The following PTPRM variants were observed in gnomAD, a reference collection of about 807,000 sequenced individuals.
The protein encoded by PTPRM is receptor-type tyrosine-protein phosphatase mu.
PTPRM carries 47 observed loss-of-function variants against 186.7 expected under a neutral mutation model. The ratio of observed to expected loss-of-function variants is 0.25; its 90% CI spans 0.20 to 0.32. The LOEUF (loss-of-function observed/expected upper bound fraction) is 0.32. Ranked by LOEUF, PTPRM falls within the 10% of genes least tolerant of loss-of-function variation. The pLI, the probability that PTPRM is intolerant of heterozygous loss-of-function variation, is 1.00. For synonymous variants in PTPRM, 668 were observed against 674.9 expected (o/e 0.99, Z 0.16); for missense variants, 1,494 against 1,865.0 (o/e 0.80, Z 3.66).
chr18:7,940,037 C>A (rs1364023275), intron 5 of PTPRM, among the ~76,000 whole-genome samples: 2 of 152,078 alleles, frequency 1.3e-5, no homozygotes, highest in Admixed American at 6.6e-5. Context: ...GGGGAAAGGA[C>A]GGTAGGGGCA....
intron 19 of PTPRM, among the ~76,000 whole-genome samples, chr18:8,271,349 A>G (rs2094769085): frequency 6.6e-6 from 1 of 151,880 alleles, no homozygotes; most frequent in Admixed American, 6.6e-5. Flanking sequence ...TTATATACCA[A>G]AAAGCCAACC....
At chr18:8,244,436 C>A (rs915955342) in intron 15 of PTPRM, among the ~76,000 whole-genome samples, 4 of 152,142 alleles carry the variant, frequency 2.6e-5, no homozygotes, top group East Asian at 1.9e-4. Flanking sequence ...AGTGCAGTTT[C>A]TGTAAAGATT....
At chr18:7,841,893 A>C (rs949268911) in intron 2 of PTPRM, among the ~76,000 whole-genome samples, 8 of 151,996 alleles carry the variant, frequency 5.3e-5, no homozygotes, top group African/African-American at 1.9e-4. Flanking sequence ...TATATTTTGA[A>C]ATTTTTATTC....
intron 1 of PTPRM, among the ~76,000 whole-genome samples, chr18:7,604,270 T>G (rs2037475903): frequency 6.6e-6 from 1 of 152,148 alleles, no homozygotes. Flanking sequence ...TCTGGAGGGT[T>G]AAGAGTGAGA....
At chr18:7,625,365 A>G (rs2038035751) in intron 1 of PTPRM, among the ~76,000 whole-genome samples, 2 of 152,236 alleles carry the variant, frequency 1.3e-5, no homozygotes. Flanking sequence ...TTAAAAGTCA[A>G]GTTGCCCACA....
intron 14 of PTPRM, among the ~76,000 whole-genome samples, chr18:8,203,195 C>A (rs934775482): frequency 5.3e-5 from 8 of 152,158 alleles, no homozygotes; most frequent in African/African-American, 1.9e-4. Flanking sequence ...AGGGTAGCAC[C>A]ATTCTGGGCT....
In PTPRM at chr18:7,768,509, A is replaced by G. The variant is rs139802409; in HGVS notation, c.74-5640A>G. ...TCTTGTCTTGAAAAACACAAAGAATAAAAAGCATGTGGGTCTGCACTTGAA... is the reference window on the plus strand; with the variant it reads ...TCTTGTCTTGAAAAACACAAAGAATGAAAAGCATGTGGGTCTGCACTTGAA... On this transcript the variant is annotated intron_variant, in intron 1 of 32. Coordinates refer to ENST00000580170, the MANE Select transcript of PTPRM (RefSeq NM_001105244.2). Among the ~76,000 whole-genome samples, 72 of 152,268 alleles carry G rather than the reference A, an allele frequency of 4.7e-4. 1 individual carries two copies. The highest frequency in any genetic ancestry group is 1.7e-3 in the African/African-American group (72 of 41,552).
chr18:7,890,121 C>T (rs1271078103), intron 3 of PTPRM, among the ~76,000 whole-genome samples: 1 of 152,170 alleles, frequency 6.6e-6, no homozygotes, highest in Non-Finnish European at 1.5e-5. Context: ...TTAAAAATAA[C>T]AGTATTGAAA....
intron 13 of PTPRM, among the ~76,000 whole-genome samples, chr18:8,136,554 T>C (rs2092644044): frequency 6.6e-6 from 1 of 152,188 alleles, no homozygotes; most frequent in African/African-American, 2.4e-5. Flanking sequence ...ATGTTTCTGA[T>C]TATTACTTGT....
At chr18:8,153,774 G>A (rs1034325958) in intron 14 of PTPRM, among the ~76,000 whole-genome samples, 15 of 152,152 alleles carry the variant, frequency 9.9e-5, no homozygotes, top group Admixed American at 6.5e-4. Context: ...AATTGTTGGG[G>A]TGTTATTGAT....
intron 2 of PTPRM, among the ~76,000 whole-genome samples, chr18:7,798,119 A>C (rs1048613380): frequency 3.9e-5 from 6 of 152,180 alleles, no homozygotes; most frequent in Non-Finnish European, 5.9e-5. Flanking sequence ...GTGATATGCT[A>C]TCTGTGCAAG....
intron 19 of PTPRM, among the ~76,000 whole-genome samples, chr18:8,263,258 A>G (rs1464890006): frequency 6.6e-6 from 1 of 151,956 alleles, no homozygotes; most frequent in Non-Finnish European, 1.5e-5. Context: ...ACAGGCAAGC[A>G]CCACCACACC....
At chr18:7,648,666 C>G (rs1017914820) in intron 1 of PTPRM, among the ~76,000 whole-genome samples, 3 of 152,200 alleles carry the variant, frequency 2.0e-5, no homozygotes, top group Non-Finnish European at 2.9e-5. Flanking sequence ...GGCCCTAACT[C>G]TCTTCAATTC....
intron 1 of PTPRM, among the ~76,000 whole-genome samples, chr18:7,705,293 A>ATCTG (rs1568040941): frequency 1.9e-4 from 27 of 140,758 alleles, no homozygotes; most frequent in African/African-American, 6.5e-4. Context: ...CTATCTATCT[A>ATCTG]TCTATCTATC....
chr18:8,269,528 G>A (rs914835692), intron 19 of PTPRM, among the ~76,000 whole-genome samples: 2 of 148,080 alleles, frequency 1.4e-5, no homozygotes, highest in Admixed American at 6.7e-5. Flanking sequence ...TTAACAAATA[G>A]GAAAAAAAAT....
At chr18:7,876,814 G>A (rs560563125) in intron 2 of PTPRM, among the ~76,000 whole-genome samples, 62 of 152,240 alleles carry the variant, frequency 4.1e-4, no homozygotes, top group African/African-American at 1.4e-3. Flanking sequence ...TAACTAATGT[G>A]CTGCCCCTTA....
chr18:7,935,024 A>G (rs544678431), intron 5 of PTPRM, among the ~76,000 whole-genome samples: 15 of 151,640 alleles, frequency 9.9e-5, no homozygotes, highest in Admixed American at 5.9e-4. Flanking sequence ...TTTTAGTTTC[A>G]TTTGTTGATT....
intron 1 of PTPRM, among the ~76,000 whole-genome samples, chr18:7,592,820 G>C (rs1449452631): frequency 6.6e-6 from 1 of 152,230 alleles, no homozygotes; most frequent in Non-Finnish European, 1.5e-5. Context: ...GCACATTCAA[G>C]TGTGTGAGCT....
rs1304515045 is a variant in PTPRM at position 7,783,163 on chromosome 18, T to C, written c.196+8892T>C. ...TGTTGTACATCTTTTAGTTAGCATC[T>C]GGTAGTGGAGTGGGTGAGAGGTGGG... On this transcript the variant is annotated intron_variant, in intron 2 of 32. Coordinates refer to ENST00000580170, the MANE Select transcript of PTPRM (RefSeq NM_001105244.2). Among the ~76,000 whole-genome samples the C allele has an allele frequency of 4.6e-5, 7 of 152,292 alleles. No homozygotes were observed. In the South Asian group the frequency reaches 1.5e-3, roughly 32 times the overall value.
Sources: allele counts gnomAD v4.1 joint callset (sites outside exome capture counted in the v4.1 genomes callset), GRCh38; gene constraint gnomAD v4.1.1; transcripts MANE v1.5; gene names NCBI Gene and HGNC (gene_info 2026-07-23, HGNC 2026-07-21).